MAF: variants seen among roughly 807,000 people sequenced by gnomAD.
MAF encodes the protein transcription factor Maf.
In MAF, 10 loss-of-function variants were observed where a neutral mutation model predicts 22.0. The ratio of observed to expected loss-of-function variants is 0.45; its 90% CI spans 0.28 to 0.77. The LOEUF (loss-of-function observed/expected upper bound fraction) is 0.77. Ranked by LOEUF, MAF falls within the 30% of genes least tolerant of loss-of-function variation. MAF has a pLI of 0.12. For synonymous variants in MAF, 337 were observed against 255.8 expected (o/e 1.32, Z -3.03); for missense variants, 544 against 548.4 (o/e 0.99, Z 0.08).
the MAF span, among the ~76,000 whole-genome samples, chr16:79,448,846 C>A: frequency 6.6e-6 from 1 of 151,922 alleles, no homozygotes; most frequent in Non-Finnish European, 1.5e-5. Flanking sequence ...ACCAGGGACT[C>A]GTTTCATGGA....
At chr16:79,388,238 C>T in the MAF span, among the ~76,000 whole-genome samples, 10 of 148,496 alleles carry the variant, frequency 6.7e-5, no homozygotes, top group East Asian at 4.0e-4. Context: ...TTATGTGTGC[C>T]GATGTGGCCC....
the MAF span, among the ~76,000 whole-genome samples, chr16:79,406,083 C>T: frequency 3.0e-4 from 45 of 152,322 alleles, no homozygotes; most frequent in African/African-American, 1.1e-3. Context: ...GAGGCTCATG[C>T]TTTACATTGC....
chr16:79,330,849 G>T, the MAF span, among the ~76,000 whole-genome samples: 3 of 152,228 alleles, frequency 2.0e-5, no homozygotes, highest in Admixed American at 6.5e-5. Context: ...TGCCTAGGCA[G>T]TTGGTTAAAA....
chr16:79,485,903 T>C, the MAF span, among the ~76,000 whole-genome samples: 2 of 152,192 alleles, frequency 1.3e-5, no homozygotes, highest in African/African-American at 4.8e-5. Context: ...GCTGAAAAAC[T>C]AATAAAGCAT....
chr16:79,299,490 G>A, the MAF span, among the ~76,000 whole-genome samples: 1 of 152,206 alleles, frequency 6.6e-6, no homozygotes, highest in African/African-American at 2.4e-5. Flanking sequence ...CAGACAAGCG[G>A]GTGGCCGGAG....
the MAF span, among the ~76,000 whole-genome samples, chr16:79,288,674 A>G: frequency 3.9e-5 from 6 of 152,242 alleles, no homozygotes; most frequent in South Asian, 1.2e-3. Flanking sequence ...AGGTGAGTGA[A>G]TTAGGTAAAC....
At chr16:79,320,481 G>A in the MAF span, among the ~76,000 whole-genome samples, 1 of 152,172 alleles carries the variant, frequency 6.6e-6, no homozygotes, top group Admixed American at 6.5e-5. Context: ...GCCCATCTGT[G>A]GGCTCTGAGG....
At chr16:79,245,398 G>C in the MAF span, among the ~76,000 whole-genome samples, 3 of 151,946 alleles carry the variant, frequency 2.0e-5, no homozygotes, top group Admixed American at 2.0e-4. Context: ...AGTGGGCAAA[G>C]GATATAAACA....
chr16:79,467,753 C>G, the MAF span, among the ~76,000 whole-genome samples: 1 of 152,260 alleles, frequency 6.6e-6, no homozygotes, highest in Admixed American at 6.5e-5. Flanking sequence ...CCAGTGTATG[C>G]TCAAGTTTGT....
the MAF span, among the ~76,000 whole-genome samples, chr16:79,422,600 C>T: frequency 0.039 from 5,887 of 152,104 alleles, 255 homozygotes; most frequent in African/African-American, 0.1. Flanking sequence ...GCAGCTGGGC[C>T]GTCCCTGGTA....
chr16:79,549,698 T>A, the MAF span, among the ~76,000 whole-genome samples: 1 of 152,156 alleles, frequency 6.6e-6, no homozygotes, highest in Non-Finnish European at 1.5e-5. Flanking sequence ...ATGTGGGTCA[T>A]CTTGCAGCAT....
At chr16:79,510,877 A>G in the MAF span, among the ~76,000 whole-genome samples, 1 of 152,206 alleles carries the variant, frequency 6.6e-6, no homozygotes, top group Non-Finnish European at 1.5e-5. Context: ...TTGTGTGTCT[A>G]TATGTGTGGT....
the MAF span, among the ~76,000 whole-genome samples, chr16:79,552,112 T>C: frequency 1.3e-5 from 2 of 152,094 alleles, no homozygotes; most frequent in African/African-American, 4.8e-5. Flanking sequence ...TTCCAAGCAG[T>C]CATTCTGTGG....
At chr16:79,480,941 C>T in the MAF span, among the ~76,000 whole-genome samples, 1 of 152,200 alleles carries the variant, frequency 6.6e-6, no homozygotes. Context: ...GCTTGGTGCA[C>T]ATCTCTGCTC....
At chr16:79,231,076 A>G in the MAF span, among the ~76,000 whole-genome samples, 1 of 152,110 alleles carries the variant, frequency 6.6e-6, no homozygotes, top group African/African-American at 2.4e-5. Context: ...TAGTCTTATT[A>G]GTTTTGCCCC....
chr16:79,365,445 C>T, the MAF span, among the ~76,000 whole-genome samples: 1 of 152,084 alleles, frequency 6.6e-6, no homozygotes. Flanking sequence ...TAGTACAGTG[C>T]CAGGGATATA....
chr16:79,597,839 G>C (rs1873592525), intron 1 of MAF: 30 of 1,022,028 alleles, frequency 2.9e-5, no homozygotes, highest in Non-Finnish European at 3.5e-5. Context: ...TTTCCATAAA[G>C]TCTTTGAAAC....
the MAF span, among the ~76,000 whole-genome samples, chr16:79,481,481 C>A: frequency 6.6e-6 from 1 of 152,080 alleles, no homozygotes; most frequent in South Asian, 2.1e-4. Context: ...TTTGCCTACA[C>A]CCCCTAGACG....
the MAF span, among the ~76,000 whole-genome samples, chr16:79,392,197 CAAG>C: frequency 1.5e-5 from 2 of 130,084 alleles, no homozygotes; most frequent in African/African-American, 5.9e-5. Context: ...GAAGGAGAGA[CAAG>C]AAGAGAGAGG....
Sources: gnomAD v4.1 joint callset for allele counts (sites outside exome capture counted in the v4.1 genomes callset) on GRCh38, gnomAD v4.1.1 for gene constraint, MANE v1.5 for transcripts, NCBI Gene and HGNC (gene_info 2026-07-23, HGNC 2026-07-21) for gene names.